Variants in NUMA1 observed in about 807,000 individuals in gnomAD.
NUMA1 encodes the protein nuclear mitotic apparatus protein 1, also known as SP-H antigen.
Under a neutral mutation model 237.1 loss-of-function variants are expected in NUMA1, and 62 were observed. The observed-to-expected ratio is 0.26, with a 90% confidence interval of 0.21 to 0.32. NUMA1 has a LOEUF of 0.32. Among genes scored for constraint, NUMA1 ranks in the 10% least tolerant of loss-of-function variants. The pLI, the probability that NUMA1 is intolerant of heterozygous loss-of-function variation, is 1.00. For synonymous variants in NUMA1, 1,028 were observed against 1,066.1 expected (o/e 0.96, Z 0.70); for missense variants, 2,533 against 2,666.5 (o/e 0.95, Z 1.10).
intron 2 of NUMA1, among the ~76,000 whole-genome samples, chr11:72,051,473 T>TC (rs1175909011): frequency 7.2e-6 from 1 of 138,954 alleles, no homozygotes; most frequent in East Asian, 2.3e-4. Flanking sequence ...ATTCAAAGAT[T>TC]TTTTTTTTTT....
chr11:72,027,000 A>C (rs1488067612), intron 4 of NUMA1, among the ~76,000 whole-genome samples: 1 of 152,172 alleles, frequency 6.6e-6, no homozygotes, highest in Non-Finnish European at 1.5e-5. Context: ...CTTGCAAATG[A>C]GCATCTTGAA....
chr11:72,056,635 T>TAAAAAAAAAAAAAAAAAA (rs59248999), intron 2 of NUMA1, among the ~76,000 whole-genome samples: 3 of 76,008 alleles, frequency 3.9e-5, no homozygotes, highest in East Asian at 3.0e-4. Flanking sequence ...CCCATCTCTT[T>TAAAAAAAAAAAAAAAAAA]AAAAAAAAAA....
chr11:72,014,053 G>C lies in NUMA1; in HGVS notation c.3450C>G (p.Leu1150=). The change falls in exon 15 of 27, where the codon CTC becomes CTG. Residue 1150 remains leucine, a synonymous_variant. Coordinates refer to ENST00000393695, the MANE Select transcript of NUMA1 (RefSeq NM_006185.4). The surrounding 1 kb of genome is among the most constrained non-coding windows in gnomAD (Gnocchi z 4.6). ...CAGCCCGGGAGGCCCGCTCAGCCTC[G>C]AGGCTGCGTTCCAGGCTGTCAGCCT... is the stretch of plus-strand genomic sequence containing the variant. The part of the protein sequence containing the change: ...QEQADSLERS[L]EAERASRAER... 6.2e-7 allele frequency: 1 copy of C among 1,610,826 alleles called. No homozygotes were observed. Among genetic ancestry groups the C allele is most frequent in the Non-Finnish European group, 8.5e-7 (1 of 1,179,988 alleles).
intron 3 of NUMA1, among the ~76,000 whole-genome samples, chr11:72,032,392 AAG>A (rs2135596853): frequency 6.6e-6 from 1 of 152,316 alleles, no homozygotes; most frequent in South Asian, 2.1e-4. Context: ...GCAGAAAATG[AAG>A]AGACTGCCAA....
At chr11:72,034,197 T>A (rs1325092455) in intron 3 of NUMA1, among the ~76,000 whole-genome samples, 1 of 152,184 alleles carries the variant, frequency 6.6e-6, no homozygotes, top group Non-Finnish European at 1.5e-5. Context: ...AAATATCCTG[T>A]GTCAACTAGC....
chr11:72,010,364 T>C (rs1956064276), intron 17 of NUMA1, among the ~76,000 whole-genome samples: 1 of 152,248 alleles, frequency 6.6e-6, no homozygotes, highest in Non-Finnish European at 1.5e-5. Flanking sequence ...ACACTCTCGT[T>C]CTTTCCCTGC....
intron 2 of NUMA1, among the ~76,000 whole-genome samples, chr11:72,058,170 T>C (rs1240652516): frequency 1.3e-5 from 2 of 152,192 alleles, no homozygotes; most frequent in African/African-American, 4.8e-5. Flanking sequence ...TCAAAACCAG[T>C]GAAGCAATAC....
chr11:72,029,749 T>A (rs1304875865), intron 3 of NUMA1, among the ~76,000 whole-genome samples: 1 of 152,240 alleles, frequency 6.6e-6, no homozygotes, highest in African/African-American at 2.4e-5. Flanking sequence ...ATTTTTATAT[T>A]ATAGTCCTTT....
At chr11:72,075,406 A>T (rs1157325544) in intron 1 of NUMA1, among the ~76,000 whole-genome samples, 1 of 152,136 alleles carries the variant, frequency 6.6e-6, no homozygotes, top group Admixed American at 6.5e-5. Context: ...GTTGCCTTCT[A>T]AACTCCCAAA....
At chr11:72,007,839 C>G (rs1346510483) in intron 20 of NUMA1, 3 of 350,016 alleles carry the variant, frequency 8.6e-6, no homozygotes, top group Non-Finnish European at 1.6e-5. Flanking sequence ...GCTTGGCGAG[C>G]CCAATCACCA....
chr11:72,039,364 C>T (rs751915322), intron 2 of NUMA1, among the ~76,000 whole-genome samples: 3 of 152,250 alleles, frequency 2.0e-5, no homozygotes, highest in Non-Finnish European at 2.9e-5. Flanking sequence ...TCTCCTTACC[C>T]CGCCCTTGGC....
At chr11:72,053,243 C>T (rs2136056164) in intron 2 of NUMA1, among the ~76,000 whole-genome samples, 1 of 152,346 alleles carries the variant, frequency 6.6e-6, no homozygotes, top group African/African-American at 2.4e-5. Flanking sequence ...ACCTTGTCCT[C>T]CCAGAGCACT....
chr11:72,037,718 A>G (rs948601087), intron 2 of NUMA1, among the ~76,000 whole-genome samples: 1 of 152,210 alleles, frequency 6.6e-6, no homozygotes, highest in Non-Finnish European at 1.5e-5. Flanking sequence ...AACATCCAAC[A>G]TGATTCCACA....
In NUMA1 at chr11:72,008,964, T is replaced by TA. The variant is rs767162362; in HGVS notation, c.5058+2dup. ...GAGGTGAGTCTGCCAGCCAAATTCTTACCTGTGCCTCCAGGCTGCGCACCT... is the reference window on the plus strand; with the variant it reads ...GAGGTGAGTCTGCCAGCCAAATTCTTAACCTGTGCCTCCAGGCTGCGCACCT... On this transcript the variant is annotated splice_region_variant and intron_variant, in intron 19 of 26. Coordinates refer to ENST00000393695, the MANE Select transcript of NUMA1 (RefSeq NM_006185.4). 1.2e-6 allele frequency: 2 copies of TA among 1,613,950 alleles called. No homozygotes were observed. Among genetic ancestry groups the TA allele is most frequent in the Non-Finnish European group, 1.7e-6 (2 of 1,179,966 alleles).
At chr11:72,060,310 A>G (rs1405179949) in intron 2 of NUMA1, among the ~76,000 whole-genome samples, 1 of 152,186 alleles carries the variant, frequency 6.6e-6, no homozygotes, top group Non-Finnish European at 1.5e-5. Context: ...TGGTCTGCAA[A>G]GCCTAAAATA....
At chr11:72,063,608 CAAA>C (rs71052848) in intron 2 of NUMA1, among the ~76,000 whole-genome samples, 14 of 61,112 alleles carry the variant, frequency 2.3e-4, no homozygotes, top group South Asian at 7.1e-4. Context: ...TACCAAAACT[CAAA>C]AAAAAAAAAA....
intron 1 of NUMA1, among the ~76,000 whole-genome samples, chr11:72,077,827 A>C (rs1943786452): frequency 6.6e-6 from 1 of 151,004 alleles, no homozygotes; most frequent in Non-Finnish European, 1.5e-5. Flanking sequence ...AAAAAAAAAA[A>C]AACAAAAAAC....
At chr11:72,007,981 A>G (rs1168267440) in intron 20 of NUMA1, 14 of 394,658 alleles carry the variant, frequency 3.5e-5, no homozygotes, top group Non-Finnish European at 5.0e-6. Context: ...CCAAGAACTC[A>G]GGCCAGGCTG....
intron 24 of NUMA1, 49 bp from the exon 25 acceptor site, chr11:72,004,390 C>CAGATG: frequency 6.5e-7 from 1 of 1,535,850 alleles, no homozygotes; most frequent in Non-Finnish European, 9.0e-7. Context: ...GGAGTCACAT[C>CAGATG]TGAAGCCAGG....
Sources: gnomAD v4.1 joint callset for allele counts (sites outside exome capture counted in the v4.1 genomes callset) on GRCh38, gnomAD v4.1.1 for gene constraint, Gnocchi (gnomAD v3.1) non-coding constraint, MANE v1.5 for transcripts, NCBI Gene and HGNC (gene_info 2026-07-23, HGNC 2026-07-21) for gene names.